MAD1L1: variants seen among roughly 807,000 people sequenced by gnomAD.
The protein encoded by MAD1L1 is mitotic spindle assembly checkpoint protein MAD1.
MAD1L1 carries 95 observed loss-of-function variants against 96.9 expected under a neutral mutation model. That is an observed-to-expected ratio of 0.98 (90% CI 0.83 to 1.16). The LOEUF is 1.16. Ranked by LOEUF, MAD1L1 falls within the 50% of genes most tolerant of loss-of-function variation. The probability of loss-of-function intolerance (pLI) is 0.00; values close to 1 mark genes in which losing one functional copy is unlikely to be tolerated. For missense variants in MAD1L1, 1,007 were observed against 954.4 expected, an observed-to-expected ratio of 1.06 and a Z score of -0.73; for synonymous variants, 473 against 396.6, an observed-to-expected ratio of 1.19 and a Z score of -2.29.
chr7:2,212,449 C>T (rs1792997309), intron 10 of MAD1L1, among the ~76,000 whole-genome samples: 1 of 152,184 alleles, frequency 6.6e-6, no homozygotes, highest in South Asian at 2.1e-4. Flanking sequence ...GAAAGTGGGG[C>T]CCCGTGGGAA....
intron 18 of MAD1L1, among the ~76,000 whole-genome samples, chr7:1,834,842 A>G (rs4503006): frequency 0.44 from 66,408 of 150,492 alleles, 14,602 homozygotes; most frequent in African/African-American, 0.47. Flanking sequence ...ACAAATCAGA[A>G]GACATTACAA....
chr7:1,976,622 C>G (rs899653137), intron 15 of MAD1L1, among the ~76,000 whole-genome samples: 1 of 152,192 alleles, frequency 6.6e-6, no homozygotes, highest in African/African-American at 2.4e-5. Context: ...AGCGGGTTGC[C>G]GCTGCTAGCT....
chr7:2,032,149 C>T (rs1783255419), intron 12 of MAD1L1, among the ~76,000 whole-genome samples: 1 of 152,226 alleles, frequency 6.6e-6, no homozygotes. Flanking sequence ...ATGCGGGACG[C>T]CCGGCCCCAG....
intron 18 of MAD1L1, among the ~76,000 whole-genome samples, chr7:1,821,097 G>C (rs10265212): frequency 0.15 from 21,993 of 146,852 alleles, 2,149 homozygotes; most frequent in South Asian, 0.27. Context: ...AAAAAAAGGG[G>C]GGGGGGAGAG....
chr7:2,148,274 T>C (rs1789405301), intron 11 of MAD1L1: 1 of 152,592 alleles, frequency 6.6e-6, no homozygotes, highest in East Asian at 1.9e-4. Flanking sequence ...ACAGGTGAGC[T>C]TCAGGCCCTC....
chr7:2,102,223 T>A (rs558179248), intron 11 of MAD1L1, among the ~76,000 whole-genome samples: 2 of 143,766 alleles, frequency 1.4e-5, no homozygotes, highest in Middle Eastern at 3.7e-3. Flanking sequence ...ACCGCCACCG[T>A]CGCCACCGCC....
intron 14 of MAD1L1, among the ~76,000 whole-genome samples, chr7:1,990,023 A>G (rs919737060): frequency 1.3e-5 from 2 of 152,258 alleles, no homozygotes; most frequent in African/African-American, 4.8e-5. Flanking sequence ...AACTAATAAC[A>G]AGAGGAGGAG....
chr7:2,150,001 G>A (rs1026613485), intron 10 of MAD1L1, among the ~76,000 whole-genome samples: 3 of 152,204 alleles, frequency 2.0e-5, no homozygotes, highest in Non-Finnish European at 2.9e-5. Context: ...GCTCAGGCCC[G>A]AGGACCCATC....
intron 10 of MAD1L1, among the ~76,000 whole-genome samples, chr7:2,176,046 AAATAC>A (rs1487317906): frequency 6.6e-6 from 1 of 152,196 alleles, no homozygotes; most frequent in Non-Finnish European, 1.5e-5. Context: ...TTCTTTAATT[AAATAC>A]GAGTCTAAGG....
intron 11 of MAD1L1, among the ~76,000 whole-genome samples, chr7:2,113,172 C>T (rs1464693236): frequency 6.6e-6 from 1 of 152,038 alleles, no homozygotes; most frequent in African/African-American, 2.4e-5. Context: ...GCAAAGCGTC[C>T]CACTCAGGAA....
chr7:1,904,528 T>C lies in MAD1L1; in HGVS notation c.1808-6138A>G, dbSNP rs1787496686. On this transcript the variant is annotated intron_variant, in intron 17 of 18. Coordinates refer to ENST00000265854, the MANE Select transcript of MAD1L1 (RefSeq NM_001013836.2). ...AAGATGCTCTTGCGGAACTCATGAT[T>C]GATCAAGCACTGTTCCAGGCAGCGA... is the stretch of plus-strand genomic sequence containing the variant. 1.5e-5 allele frequency among the ~76,000 whole-genome samples: 2 copies of C among 131,786 alleles called. 1 individual carries two copies. The allele number at this position is 131,786 out of a possible 152,430, so 86.5% of individuals were successfully genotyped here. A position where few individuals can be genotyped will look rare whatever the true frequency, so the allele number is the denominator to read the frequency against.
intron 5 of MAD1L1, among the ~76,000 whole-genome samples, chr7:2,220,722 G>C (rs1384275001): frequency 1.3e-5 from 2 of 152,238 alleles, no homozygotes; most frequent in African/African-American, 2.4e-5. Context: ...GGGAAGGCCC[G>C]CATGGGGGCT....
intron 12 of MAD1L1, among the ~76,000 whole-genome samples, chr7:2,019,355 C>G (rs912045511): frequency 6.6e-6 from 1 of 152,212 alleles, no homozygotes; most frequent in African/African-American, 2.4e-5. Context: ...TGGGGCCCAT[C>G]GAGAACATGA....
At chr7:2,082,899 T>A (rs1367078584) in intron 11 of MAD1L1, among the ~76,000 whole-genome samples, 1 of 152,230 alleles carries the variant, frequency 6.6e-6, no homozygotes, top group Admixed American at 6.5e-5. Flanking sequence ...TATTTTCCCA[T>A]TGATTTTGCC....
In MAD1L1 at chr7:2,191,425, T is replaced by C. The variant is rs186007581; in HGVS notation, c.986+21787A>G. On this transcript the variant is annotated intron_variant, in intron 10 of 18. Transcript: ENST00000265854. Reference sequence around the variant, plus strand: ...TGGTCATTTAGAGTTTGTTTTTACTTTTTTAATAATACAAATGTATCTAAA... The same window carrying C: ...TGGTCATTTAGAGTTTGTTTTTACTCTTTTAATAATACAAATGTATCTAAA... 5.5e-4 allele frequency among the ~76,000 whole-genome samples: 84 copies of C among 152,348 alleles called. 1 individual carries two copies. Among genetic ancestry groups the C allele is most frequent in the African/African-American group, 1.9e-3 (80 of 41,570 alleles).
intron 10 of MAD1L1, chr7:2,200,433 C>T (rs1792230153): frequency 6.6e-6 from 1 of 152,364 alleles, no homozygotes; most frequent in African/African-American, 2.4e-5. Flanking sequence ...CCCTGCTCCT[C>T]AGCACCTGGC....
intron 16 of MAD1L1, among the ~76,000 whole-genome samples, chr7:1,945,600 A>C (rs1377959392): frequency 6.6e-6 from 1 of 152,168 alleles, no homozygotes; most frequent in African/African-American, 2.4e-5. Context: ...GAAGGGAAGG[A>C]GGGTGAGGGC....
intron 11 of MAD1L1, among the ~76,000 whole-genome samples, chr7:2,128,134 C>G (rs1184813246): frequency 6.6e-6 from 1 of 152,182 alleles, no homozygotes; most frequent in African/African-American, 2.4e-5. Flanking sequence ...TGACGCCCTC[C>G]CAGATTATTT....
rs188362469 is a variant in MAD1L1 at position 1,932,611 on chromosome 7, G to A, written c.1807+4076C>T. Among the ~76,000 whole-genome samples, 286 of 152,372 alleles carry A rather than the reference G, an allele frequency of 1.9e-3. 2 individuals are homozygous for A. Among genetic ancestry groups the A allele is most frequent in the Non-Finnish European group, 5.9e-4 (40 of 68,036 alleles). On this transcript the variant is annotated intron_variant, in intron 17 of 18. Transcript: ENST00000265854. ...GGATCCTTTGACAAGTGACCTCTGT[G>A]TTTCTTCTCTGAAGTTCTCAGGGTC...
Sources: gnomAD v4.1 joint callset for allele counts (sites outside exome capture counted in the v4.1 genomes callset) on GRCh38, gnomAD v4.1.1 for gene constraint, MANE v1.5 for transcripts, NCBI Gene and HGNC (gene_info 2026-07-23, HGNC 2026-07-21) for gene names.